Variants in SV2C observed in about 807,000 individuals in gnomAD.
SV2C encodes the protein solute carrier family 22 member B3.
SV2C carries 49 observed loss-of-function variants against 79.7 expected under a neutral mutation model. That is an observed-to-expected ratio of 0.61 (90% CI 0.49 to 0.78). The LOEUF (loss-of-function observed/expected upper bound fraction) is 0.78. Ranked by LOEUF, SV2C falls within the 30% of genes least tolerant of loss-of-function variation. SV2C has a pLI of 0.00. For synonymous variants in SV2C, 334 were observed against 333.2 expected, an observed-to-expected ratio of 1.00 and a Z score of -0.03; for missense variants, 833 against 912.9, an observed-to-expected ratio of 0.91 and a Z score of 1.13.
the SV2C span, among the ~76,000 whole-genome samples, chr5:75,856,263 A>G: frequency 6.6e-6 from 1 of 152,210 alleles, no homozygotes; most frequent in Non-Finnish European, 1.5e-5. Context: ...ATAGGAGTGC[A>G]GAGATCTCTT....
At chr5:76,258,193 A>G (rs1012082533) in intron 4 of SV2C, among the ~76,000 whole-genome samples, 8 of 151,852 alleles carry the variant, frequency 5.3e-5, no homozygotes, top group African/African-American at 1.9e-4. Flanking sequence ...TCTTTCGACC[A>G]CAAAGGTCAG....
At chr5:76,342,146 A>AGTG (rs544512501) in intron 12 of SV2C, among the ~76,000 whole-genome samples, 134 of 152,232 alleles carry the variant, frequency 8.8e-4, no homozygotes, top group African/African-American at 3.1e-3. Flanking sequence ...AGGAAGGGGA[A>AGTG]GTGGTCATGC....
chr5:76,230,879 A>G (rs1051340958), intron 4 of SV2C, among the ~76,000 whole-genome samples: 8 of 152,182 alleles, frequency 5.3e-5, no homozygotes, highest in African/African-American at 1.7e-4. Context: ...ATCAGAGGCT[A>G]TATTTTCTTA....
chr5:76,185,389 G>A (rs914777346), intron 2 of SV2C, among the ~76,000 whole-genome samples: 1 of 152,228 alleles, frequency 6.6e-6, no homozygotes, highest in East Asian at 1.9e-4. Context: ...CTCTGTGTGG[G>A]GGCTTGTATC....
the SV2C span, among the ~76,000 whole-genome samples, chr5:75,891,253 A>G: frequency 6.6e-6 from 1 of 152,136 alleles, no homozygotes. Context: ...GGGGAAACAG[A>G]GAGATAACCA....
chr5:75,887,622 T>G, the SV2C span, among the ~76,000 whole-genome samples: 6 of 152,258 alleles, frequency 3.9e-5, no homozygotes. Context: ...TGCTTCTTGC[T>G]CATTCAGTCA....
the SV2C span, among the ~76,000 whole-genome samples, chr5:76,041,760 C>T: frequency 1.3e-5 from 2 of 152,152 alleles, no homozygotes; most frequent in Non-Finnish European, 2.9e-5. Flanking sequence ...TCAACATTCC[C>T]CTCCTCAGCT....
chr5:75,973,165 G>A, the SV2C span, among the ~76,000 whole-genome samples: 83 of 151,792 alleles, frequency 5.5e-4, no homozygotes, highest in Admixed American at 4.5e-3. Context: ...ATCACACACC[G>A]GGGACGGTTG....
At chr5:76,228,646 C>T (rs553359661) in intron 4 of SV2C, among the ~76,000 whole-genome samples, 2 of 152,156 alleles carry the variant, frequency 1.3e-5, no homozygotes, top group Admixed American at 6.5e-5. Flanking sequence ...GGGAGAAACA[C>T]CCCTCACTCA....
the SV2C span, among the ~76,000 whole-genome samples, chr5:75,898,685 A>C: frequency 6.6e-5 from 10 of 152,132 alleles, no homozygotes; most frequent in African/African-American, 2.4e-4. Context: ...TTGGCTGTGA[A>C]TCCATCTGGT....
chr5:76,143,040 G>T (rs1749309232), intron 2 of SV2C, among the ~76,000 whole-genome samples: 1 of 151,936 alleles, frequency 6.6e-6, no homozygotes, highest in Non-Finnish European at 1.5e-5. Flanking sequence ...GGGGTTACAG[G>T]CACCTGCCAC....
the SV2C span, among the ~76,000 whole-genome samples, chr5:75,960,504 G>A: frequency 1.3e-5 from 2 of 151,944 alleles, no homozygotes; most frequent in Non-Finnish European, 2.9e-5. Flanking sequence ...GCTGCAAATT[G>A]CCTACAGTAT....
intron 1 of SV2C, among the ~76,000 whole-genome samples, chr5:76,092,585 A>G (rs1747413458): frequency 2.0e-5 from 3 of 152,058 alleles, no homozygotes; most frequent in Non-Finnish European, 4.4e-5. Context: ...CTCCACCCCC[A>G]TCCTCAATAA....
intron 2 of SV2C, among the ~76,000 whole-genome samples, chr5:76,191,930 G>A (rs1744116728): frequency 6.6e-6 from 1 of 152,182 alleles, no homozygotes; most frequent in African/African-American, 2.4e-5. Flanking sequence ...TCCTGGAATT[G>A]AATGGAAAGT....
intron 4 of SV2C, among the ~76,000 whole-genome samples, chr5:76,216,586 C>G (rs980510794): frequency 2.0e-5 from 3 of 152,154 alleles, no homozygotes; most frequent in African/African-American, 4.8e-5. Flanking sequence ...TGCCTAAAGC[C>G]AGGAGTTCGA....
At chr5:75,871,794 G>T in the SV2C span, among the ~76,000 whole-genome samples, 1 of 149,890 alleles carries the variant, frequency 6.7e-6, no homozygotes, top group Admixed American at 6.7e-5. Flanking sequence ...GCAACAGAGC[G>T]AGACTCTGTC....
the SV2C span, chr5:75,910,899 A>G: frequency 1.0e-6 from 1 of 978,148 alleles, no homozygotes; most frequent in Non-Finnish European, 1.7e-6. Context: ...CAGAAGCAAC[A>G]TTCCAACAAA....
At chr5:75,872,348 G>A in the SV2C span, among the ~76,000 whole-genome samples, 9 of 152,068 alleles carry the variant, frequency 5.9e-5, no homozygotes, top group South Asian at 1.9e-3. Context: ...ATAACTTCTT[G>A]AAATTAATTC....
the SV2C span, among the ~76,000 whole-genome samples, chr5:76,059,147 A>C: frequency 1.3e-5 from 2 of 152,126 alleles, no homozygotes; most frequent in African/African-American, 4.8e-5. Context: ...AGGGAGTTAT[A>C]ATCTTTTTGC....
Sources: allele counts gnomAD v4.1 joint callset (sites outside exome capture counted in the v4.1 genomes callset), GRCh38; gene constraint gnomAD v4.1.1; transcripts MANE v1.5; gene names NCBI Gene and HGNC (gene_info 2026-07-23, HGNC 2026-07-21).